CFAP61: variants seen among roughly 807,000 people sequenced by gnomAD.
CFAP61 encodes cilia and flagella associated protein 61, also known as cilia- and flagella-associated protein 61.
In CFAP61, 107 loss-of-function variants were observed where a neutral mutation model predicts 135.6. The observed-to-expected ratio is 0.79, with a 90% CI of 0.67 to 0.93. The LOEUF is 0.93. Among genes scored for constraint, CFAP61 ranks in the 40% least tolerant of loss-of-function variants. The probability of loss-of-function intolerance (pLI) is 0.00; values close to 1 mark genes in which losing one functional copy is unlikely to be tolerated. For synonymous variants in CFAP61, 575 were observed against 578.5 expected (o/e 0.99, Z 0.09); for missense variants, 1,507 against 1,556.2 (o/e 0.97, Z 0.53).
intron 18 of CFAP61, among the ~76,000 whole-genome samples, chr20:20,242,573 T>TAC (rs1385454935): frequency 2.6e-5 from 4 of 152,230 alleles, no homozygotes; most frequent in Admixed American, 2.6e-4. Context: ...TTTGTAACCT[T>TAC]GAACAAATTA....
intron 26 of CFAP61, among the ~76,000 whole-genome samples, chr20:20,351,790 T>C (rs2058846368): frequency 6.6e-6 from 1 of 152,134 alleles, no homozygotes; most frequent in Non-Finnish European, 1.5e-5. Context: ...ATTAGAAGAA[T>C]TCATATTGTT....
chr20:20,183,679 T>G (rs370726223), intron 13 of CFAP61, among the ~76,000 whole-genome samples: 1 of 3,124 alleles, frequency 3.2e-4, no homozygotes, highest in African/African-American at 4.5e-3. Context: ...ATCCAAAATA[T>G]TATTGTTTCA....
At chr20:20,085,368 A>G in intron 6 of CFAP61, 1 of 1,325,008 alleles carries the variant, frequency 7.5e-7, no homozygotes, top group Non-Finnish European at 1.0e-6. Flanking sequence ...ATACTTTATC[A>G]TTAGCACTCG....
chr20:20,065,046 G>T (rs1209718818), intron 2 of CFAP61, among the ~76,000 whole-genome samples: 1 of 152,182 alleles, frequency 6.6e-6, no homozygotes, highest in Non-Finnish European at 1.5e-5. Context: ...AAAATTTGAT[G>T]ACGGCTTTGT....
At chr20:20,342,191 G>A (rs2058469786) in intron 26 of CFAP61, among the ~76,000 whole-genome samples, 1 of 152,192 alleles carries the variant, frequency 6.6e-6, no homozygotes, top group Admixed American at 6.5e-5. Flanking sequence ...AGTGCTGGCA[G>A]AAAACTGAAT....
chr20:20,293,618 C>T (rs1396813768), intron 24 of CFAP61, among the ~76,000 whole-genome samples: 4 of 152,138 alleles, frequency 2.6e-5, no homozygotes, highest in Non-Finnish European at 5.9e-5. Context: ...CTAGATATAG[C>T]ACAGACAAAT....
At chr20:20,350,342 A>G (rs747013623) in intron 26 of CFAP61, among the ~76,000 whole-genome samples, 30 of 152,232 alleles carry the variant, frequency 2.0e-4, no homozygotes, top group Non-Finnish European at 2.9e-5. Context: ...ATCCAAAAGA[A>G]TTGAGGCCAG....
In CFAP61 at chr20:20,277,451, A is replaced by T. The variant is rs769154202; in HGVS notation, c.2789A>T (p.Gln930Leu). ...ACACCCACCAAGCCTTTCAGACTCC[A>T]GTGCTCTGTAAGTGGGTCCCTGCAA... is the stretch of plus-strand genomic sequence containing the variant. ...FTTPTKPFRL[Q>L]CSMFFSFCEK... is the part of the protein sequence containing the mutation. Residue 930 changes from glutamine to leucine, a missense_variant, in exon 22 of 27, where the codon CAG (glutamine) becomes CTG (leucine). Transcript: ENST00000245957. The T allele has an allele frequency of 1.2e-5, 19 of 1,606,588 alleles. No homozygotes were observed. In the Middle Eastern group the frequency reaches 1.0e-3, roughly 87 times the overall value.
chr20:20,172,197 T>A, intron 13 of CFAP61: 1 of 936,930 alleles, frequency 1.1e-6, no homozygotes. Flanking sequence ...TCTAAAAAGT[T>A]ACACAGGATT....
At chr20:20,086,976 A>T (rs1180651852) in intron 6 of CFAP61, among the ~76,000 whole-genome samples, 1 of 152,124 alleles carries the variant, frequency 6.6e-6, no homozygotes, top group Non-Finnish European at 1.5e-5. Context: ...GGCTAGAAAT[A>T]GAGGTGGGAA....
intron 7 of CFAP61, among the ~76,000 whole-genome samples, chr20:20,093,010 G>A (rs796401882): frequency 9.8e-5 from 15 of 152,288 alleles, no homozygotes; most frequent in Admixed American, 2.6e-4. Flanking sequence ...AGATGTGTAC[G>A]CAAATGTTCA....
chr20:20,126,623 T>A (rs1037568643), intron 8 of CFAP61, among the ~76,000 whole-genome samples: 9 of 151,926 alleles, frequency 5.9e-5, no homozygotes, highest in Non-Finnish European at 1.3e-4. Context: ...GGCTATCTGG[T>A]ACTTTTGTCT....
chr20:20,114,124 G>T (rs1426646976), intron 8 of CFAP61, among the ~76,000 whole-genome samples: 2 of 152,004 alleles, frequency 1.3e-5, no homozygotes, highest in Non-Finnish European at 2.9e-5. Context: ...CAAAAAATTA[G>T]CCAGGCATGG....
At chr20:20,143,329 C>T (rs1212069853) in intron 9 of CFAP61, among the ~76,000 whole-genome samples, 1 of 152,144 alleles carries the variant, frequency 6.6e-6, no homozygotes, top group Non-Finnish European at 1.5e-5. Context: ...TCCTTACTGC[C>T]CTGACTGGTC....
At chr20:20,341,223 G>C (rs998251579) in intron 25 of CFAP61, among the ~76,000 whole-genome samples, 6 of 152,134 alleles carry the variant, frequency 3.9e-5, no homozygotes, top group African/African-American at 1.4e-4. Flanking sequence ...TTCCAAAAAT[G>C]CATCAAATTT....
chr20:20,257,628 C>CAA (rs79177514), intron 20 of CFAP61, among the ~76,000 whole-genome samples: 1 of 36,822 alleles, frequency 2.7e-5, no homozygotes, highest in African/African-American at 7.9e-5. Flanking sequence ...AACAAAAAAA[C>CAA]AAAAAAAAAA....
chr20:20,117,484 A>G (rs1418362235), intron 8 of CFAP61, among the ~76,000 whole-genome samples: 1 of 152,186 alleles, frequency 6.6e-6, no homozygotes, highest in Non-Finnish European at 1.5e-5. Context: ...TAATTTGGTT[A>G]CTATCTCTTT....
intron 18 of CFAP61, among the ~76,000 whole-genome samples, chr20:20,239,539 C>T (rs1209839025): frequency 6.6e-6 from 1 of 152,132 alleles, no homozygotes; most frequent in African/African-American, 2.4e-5. Flanking sequence ...ATGTACTATG[C>T]AGAGGCGATA....
At chr20:20,153,763 C>T (rs967693551) in intron 9 of CFAP61, among the ~76,000 whole-genome samples, 3 of 152,084 alleles carry the variant, frequency 2.0e-5, no homozygotes, top group African/African-American at 7.2e-5. Context: ...GAATTCACAG[C>T]TGAATTCTAT....
Sources: allele counts gnomAD v4.1 joint callset (sites outside exome capture counted in the v4.1 genomes callset), GRCh38; gene constraint gnomAD v4.1.1; transcripts MANE v1.5; gene names NCBI Gene and HGNC (gene_info 2026-07-23, HGNC 2026-07-21).